UGGT2: variants seen among roughly 807,000 people sequenced by gnomAD.
UGGT2 encodes UDP-glucose glycoprotein glucosyltransferase 2.
UGGT2 carries 180 observed loss-of-function variants against 192.1 expected under a neutral mutation model. That is an observed-to-expected ratio of 0.94 (90% confidence interval 0.83 to 1.06). The LOEUF (loss-of-function observed/expected upper bound fraction) is 1.06, where lower values mean the gene tolerates loss of function less well. Among genes scored for constraint, UGGT2 ranks in the 50% least tolerant of loss-of-function variants. The probability of loss-of-function intolerance (pLI) is 0.00; values close to 1 mark genes in which losing one functional copy is unlikely to be tolerated. For synonymous variants in UGGT2, 580 were observed against 591.0 expected, an observed-to-expected ratio of 0.98 and a Z score of 0.27; for missense variants, 1,849 against 1,795.7, an observed-to-expected ratio of 1.03 and a Z score of -0.54.
At chr13:95,844,876 G>A (rs553444961) in intron 36 of UGGT2, among the ~76,000 whole-genome samples, 64 of 152,212 alleles carry the variant, frequency 4.2e-4, no homozygotes, top group African/African-American at 1.5e-3. Context: ...CTGATCTTAG[G>A]GAGAAAGCAT....
chr13:95,851,255 A>C (rs568268597), intron 36 of UGGT2, among the ~76,000 whole-genome samples: 2 of 152,164 alleles, frequency 1.3e-5, no homozygotes, highest in Non-Finnish European at 2.9e-5. Context: ...TTGACTTTTT[A>C]ATTTGAGGTA....
At chr13:95,879,362 T>C (rs999772912) in intron 27 of UGGT2, among the ~76,000 whole-genome samples, 1 of 152,250 alleles carries the variant, frequency 6.6e-6, no homozygotes, top group Non-Finnish European at 1.5e-5. Context: ...GAGTTCTTTC[T>C]AGTGAATATT....
At chr13:95,997,539 A>C (rs2051663626) in intron 6 of UGGT2, among the ~76,000 whole-genome samples, 1 of 152,186 alleles carries the variant, frequency 6.6e-6, no homozygotes, top group Non-Finnish European at 1.5e-5. Flanking sequence ...GCTACTCAGG[A>C]GGCTGAAGCA....
intron 36 of UGGT2, among the ~76,000 whole-genome samples, chr13:95,845,315 GGCCCTGCCGCCTTCC>G (rs1393386934): frequency 2.1e-5 from 3 of 145,856 alleles, no homozygotes; most frequent in Non-Finnish European, 4.5e-5. Context: ...CTAGGCAGAG[GGCCCTGCCGCCTTCC>G]GCAGTGTTTG....
intron 30 of UGGT2, 33 bp from the exon 31 acceptor site, chr13:95,863,747 G>A (rs762057477): frequency 1.2e-5 from 19 of 1,553,784 alleles, no homozygotes; most frequent in Admixed American, 5.0e-5. Flanking sequence ...TTAGAATTTG[G>A]CTGCTTTAAA....
Position 95,894,676 on chromosome 13 carries a change from C to CA in UGGT2, c.2760-20dup. 1 of 1,595,770 alleles carries CA rather than the reference C, an allele frequency of 6.3e-7. No homozygotes were observed. Among genetic ancestry groups the CA allele is most frequent in the South Asian group, 1.1e-5 (1 of 88,814 alleles). Reference sequence around the variant, plus strand: ...ACTCATGCTAGATAAACAAGACAAACAGTGTATGAGTTTTTTGGAAAGAGT... The same window carrying CA: ...ACTCATGCTAGATAAACAAGACAAACAAGTGTATGAGTTTTTTGGAAAGAGT... On this transcript the variant is annotated intron_variant, in intron 23 of 38. Transcript: ENST00000376747.
intron 37 of UGGT2, 57 bp downstream of exon 37, chr13:95,837,029 T>C: frequency 7.7e-7 from 1 of 1,305,678 alleles, no homozygotes; most frequent in Non-Finnish European, 1.1e-6. Context: ...AAAGAAAATA[T>C]TTCTATTTAA....
intron 1 of UGGT2, among the ~76,000 whole-genome samples, chr13:96,044,700 T>C (rs980384631): frequency 2.0e-5 from 3 of 152,076 alleles, no homozygotes; most frequent in Non-Finnish European, 4.4e-5. Context: ...CAAAAGATCA[T>C]TCAAGGCTAC....
intron 31 of UGGT2, among the ~76,000 whole-genome samples, chr13:95,861,615 A>G (rs909753020): frequency 6.6e-5 from 10 of 152,218 alleles, no homozygotes; most frequent in Non-Finnish European, 1.2e-4. Flanking sequence ...TTCATAATGT[A>G]TAAATTCATC....
chr13:96,047,773 CAAG>C (rs2053361348), intron 1 of UGGT2, among the ~76,000 whole-genome samples: 2 of 152,116 alleles, frequency 1.3e-5, no homozygotes, highest in African/African-American at 4.8e-5. Context: ...ATTAATTCAA[CAAG>C]AAGAGCTAAC....
In UGGT2 at chr13:95,949,347, A is replaced by C. The variant is rs753851368; in HGVS notation, c.1443T>G (p.Asn481Lys). 3 of 1,553,798 alleles carry C rather than the reference A, an allele frequency of 1.9e-6. No individual in the cohort carries two copies. Among genetic ancestry groups the C allele is most frequent in the Non-Finnish European group, 2.6e-6 (3 of 1,150,892 alleles). Residue 481 changes from asparagine to lysine, a missense_variant, in exon 13 of 39, where the codon AAT becomes AAG. Physicochemically the swap from Asn to Lys is moderately conservative, Grantham distance 94 (BLOSUM62 0). Coordinates refer to ENST00000376747, the MANE Select transcript of UGGT2 (RefSeq NM_020121.4). ...FPGSVPSIRR[N>K]FHNLVLFIDP... ...ATATAAAACTCACCAAATTATGAAA[A>C]TTGCGCCTTATGGAAGGTACACTTC...
chr13:95,970,308 A>C (rs1253004161), intron 11 of UGGT2, 46 bp from the exon 12 acceptor site: 1 of 1,534,186 alleles, frequency 6.5e-7, no homozygotes, highest in East Asian at 2.3e-5. Context: ...TTTCCAAATT[A>C]AAAACAAATG....
At position 95,870,415 on chromosome 13, in the gene UGGT2, G is replaced by GCAT. The variant is rs551132096; in HGVS notation, c.3474-2993_3474-2992insATG. Among the ~76,000 whole-genome samples the GCAT allele has an allele frequency of 1.2e-3, 177 of 152,308 alleles. 1 individual carries two copies. Among genetic ancestry groups the GCAT allele is most frequent in the African/African-American group, 4.1e-3 (171 of 41,572 alleles). The stretch of plus-strand genomic sequence containing the variant: ...AACTTAGAAGTGAGCGGGGCAATGT[G>GCAT]CTGATGCCTGCCTAGCTTCTTTTGT... On this transcript the variant is annotated intron_variant, in intron 29 of 38. Coordinates refer to ENST00000376747, the MANE Select transcript of UGGT2 (RefSeq NM_020121.4).
At chr13:96,025,015 T>C (rs914263945) in intron 2 of UGGT2, among the ~76,000 whole-genome samples, 1 of 152,200 alleles carries the variant, frequency 6.6e-6, no homozygotes, top group Non-Finnish European at 1.5e-5. Context: ...TATCTGGCCC[T>C]CCAAGTTGTC....
intron 5 of UGGT2, among the ~76,000 whole-genome samples, chr13:96,013,078 T>G (rs1235651639): frequency 6.6e-6 from 1 of 152,074 alleles, no homozygotes; most frequent in African/African-American, 2.4e-5. Context: ...TTGTTTTTTA[T>G]CCAAGTTTTA....
intron 7 of UGGT2, among the ~76,000 whole-genome samples, chr13:95,994,559 A>G (rs1437824303): frequency 6.6e-6 from 1 of 151,848 alleles, no homozygotes; most frequent in Non-Finnish European, 1.5e-5. Flanking sequence ...CATGTTTAAC[A>G]AACACATTAA....
chr13:95,999,685 A>T (rs1172460822), intron 5 of UGGT2, among the ~76,000 whole-genome samples: 2 of 152,158 alleles, frequency 1.3e-5, no homozygotes, highest in African/African-American at 4.8e-5. Context: ...AGATTTGCTA[A>T]ACCAAAAATC....
chr13:95,994,691 T>C (rs2051562595), intron 7 of UGGT2, among the ~76,000 whole-genome samples: 2 of 152,038 alleles, frequency 1.3e-5, no homozygotes, highest in African/African-American at 4.8e-5. Flanking sequence ...TTGACTTTTA[T>C]GGCAGCTGTG....
intron 4 of UGGT2, among the ~76,000 whole-genome samples, 190 bp downstream of exon 4, chr13:96,022,849 CA>C (rs2052555385): frequency 6.6e-6 from 1 of 151,922 alleles, no homozygotes; most frequent in African/African-American, 2.4e-5. Flanking sequence ...TATTTTGGCA[CA>C]ATTTATATGC....
Sources: allele counts gnomAD v4.1 joint callset (sites outside exome capture counted in the v4.1 genomes callset), GRCh38; gene constraint gnomAD v4.1.1; transcripts MANE v1.5; gene names NCBI Gene and HGNC (gene_info 2026-07-23, HGNC 2026-07-21).